Variants in C5orf46 observed in about 807,000 individuals in gnomAD.
C5orf46 encodes the protein chromosome 5 open reading frame 46.
A neutral mutation model predicts 8.9 loss-of-function variants in C5orf46; 9 were observed. That is an observed-to-expected ratio of 1.01 (90% CI 0.61 to 1.76). The LOEUF (loss-of-function observed/expected upper bound fraction) is 1.76, where lower values mean the gene tolerates loss of function less well. Among genes scored for constraint, C5orf46 ranks in the 40% most tolerant of loss-of-function variants. The probability of loss-of-function intolerance (pLI) is 0.00; values close to 1 mark genes in which losing one functional copy is unlikely to be tolerated. For synonymous variants in C5orf46, 47 were observed against 41.4 expected, an observed-to-expected ratio of 1.14 and a Z score of -0.52; for missense variants, 98 against 107.8, an observed-to-expected ratio of 0.91 and a Z score of 0.40.
intron 2 of C5orf46, among the ~76,000 whole-genome samples, chr5:147,900,522 G>GT (rs2127130051): frequency 6.6e-6 from 1 of 152,256 alleles, no homozygotes; most frequent in South Asian, 2.1e-4. Context: ...AAATGTAAAG[G>GT]TTTTGTGGAT....
chr5:147,891,153 T>C (rs1190812256), downstream of C5orf46, among the ~76,000 whole-genome samples: 1 of 152,190 alleles, frequency 6.6e-6, no homozygotes, highest in African/African-American at 2.4e-5. Flanking sequence ...ATGATACCAA[T>C]CAGCCTCCTG....
intron 2 of C5orf46, chr5:147,887,582 AG>A (rs1757441299): frequency 6.6e-6 from 1 of 152,206 alleles, no homozygotes; most frequent in Non-Finnish European, 1.5e-5. Flanking sequence ...TTTGCTGGAC[AG>A]GAAGCATACA....
chr5:147,899,959 CG>C (rs1163252091), intron 2 of C5orf46, among the ~76,000 whole-genome samples: 1 of 152,238 alleles, frequency 6.6e-6, no homozygotes, highest in African/African-American at 2.4e-5. Context: ...GAGCCTAGAG[CG>C]GACAGCAATT....
At chr5:147,899,157 G>A (rs889557700) in intron 2 of C5orf46, among the ~76,000 whole-genome samples, 1 of 152,094 alleles carries the variant, frequency 6.6e-6, no homozygotes, top group Non-Finnish European at 1.5e-5. Flanking sequence ...TGTGATCTTT[G>A]GCTGACATTT....
At chr5:147,886,652 T>C (rs1757424994) in intron 2 of C5orf46, 1 of 151,336 alleles carries the variant, frequency 6.6e-6, no homozygotes. Context: ...TTTACAAACA[T>C]ACATGAATGA....
chr5:147,895,917 G>T (rs1374546309), intron 3 of C5orf46, among the ~76,000 whole-genome samples: 1 of 152,256 alleles, frequency 6.6e-6, no homozygotes, highest in South Asian at 2.1e-4. Flanking sequence ...AGTTCCGGGG[G>T]AATATGATAG....
intron 3 of C5orf46, among the ~76,000 whole-genome samples, chr5:147,896,404 G>A (rs2127127211): frequency 6.6e-6 from 1 of 152,262 alleles, no homozygotes. Context: ...CTAAAACAGA[G>A]TAAGAACACA....
chr5:147,887,379 A>G (rs562433776), intron 2 of C5orf46: 32 of 152,144 alleles, frequency 2.1e-4, no homozygotes, highest in African/African-American at 7.2e-4. Flanking sequence ...TCTAGTAACT[A>G]CCTCTGACTT....
intron 3 of C5orf46, among the ~76,000 whole-genome samples, chr5:147,894,735 A>G (rs1244291243): frequency 3.3e-5 from 5 of 151,488 alleles, no homozygotes; most frequent in African/African-American, 1.2e-4. Context: ...TATGGATTAA[A>G]GAAGCATTAA....
At chr5:147,898,534 G>T (rs1417533078) in intron 2 of C5orf46, among the ~76,000 whole-genome samples, 1 of 152,054 alleles carries the variant, frequency 6.6e-6, no homozygotes, top group African/African-American at 2.4e-5. Context: ...ATTCCATCTG[G>T]AGCTCAGGAA....
chr5:147,895,410 A>C (rs1424674155), intron 3 of C5orf46, among the ~76,000 whole-genome samples: 2 of 152,192 alleles, frequency 1.3e-5, no homozygotes, highest in African/African-American at 4.8e-5. Context: ...CATCAATTCC[A>C]AGTTTTTCAT....
chr5:147,906,190 T>C (rs1212535594), intron 1 of C5orf46, among the ~76,000 whole-genome samples: 1 of 152,236 alleles, frequency 6.6e-6, no homozygotes, highest in Non-Finnish European at 1.5e-5. Flanking sequence ...AGTGTCATTA[T>C]ATCATAAGAG....
intron 1 of C5orf46, among the ~76,000 whole-genome samples, chr5:147,902,140 T>C (rs553297200): frequency 1.6e-4 from 24 of 152,194 alleles, no homozygotes; most frequent in African/African-American, 5.8e-4. Flanking sequence ...TCCATGCCCA[T>C]GGTAATAATA....
chr5:147,890,916 T>C (rs1185593723), downstream of C5orf46, among the ~76,000 whole-genome samples: 3 of 152,174 alleles, frequency 2.0e-5, no homozygotes, highest in African/African-American at 7.2e-5. Flanking sequence ...TTAATCTGAA[T>C]TGAATTTTAT....
At chr5:147,905,707 T>C (rs1271182359) in intron 1 of C5orf46, among the ~76,000 whole-genome samples, 2 of 152,210 alleles carry the variant, frequency 1.3e-5, no homozygotes, top group Admixed American at 6.5e-5. Context: ...AGTTGCTCGA[T>C]AATAGTAGAA....
intron 2 of C5orf46, among the ~76,000 whole-genome samples, chr5:147,900,467 AAAAT>A (rs1220013225): frequency 3.3e-5 from 5 of 152,184 alleles, no homozygotes; most frequent in African/African-American, 9.7e-5. Flanking sequence ...GGAAAATGCA[AAAAT>A]AAATAAATAA....
At chr5:147,891,078 G>A (rs1757496761), downstream of C5orf46, among the ~76,000 whole-genome samples, 1 of 152,152 alleles carries the variant, frequency 6.6e-6, no homozygotes. Flanking sequence ...GGAATTCTCT[G>A]CTGGGAGTTA....
chr5:147,885,895 AATTTT>A (rs762815232), intron 2 of C5orf46, among the ~76,000 whole-genome samples: 3 of 152,186 alleles, frequency 2.0e-5, no homozygotes, highest in East Asian at 1.9e-4. Context: ...TGGTCATAAC[AATTTT>A]ATTTTAGTAG....
At chr5:147,889,105 A>G (rs1757466201), downstream of C5orf46, among the ~76,000 whole-genome samples, 1 of 152,256 alleles carries the variant, frequency 6.6e-6, no homozygotes, top group South Asian at 2.1e-4. Flanking sequence ...GCTTATACAT[A>G]TAAGCTTGTT....
Sources: allele counts gnomAD v4.1 joint callset (sites outside exome capture counted in the v4.1 genomes callset), GRCh38; gene constraint gnomAD v4.1.1; transcripts MANE v1.5; gene names NCBI Gene and HGNC (gene_info 2026-07-23, HGNC 2026-07-21).